The following PCDH15 variants were observed in gnomAD, a reference collection of about 807,000 sequenced individuals.
The protein encoded by PCDH15 is protocadherin related 15.
In PCDH15, 129 loss-of-function variants were observed where a neutral mutation model predicts 178.5. The ratio of observed to expected loss-of-function variants is 0.72; its 90% CI spans 0.63 to 0.84. The LOEUF (loss-of-function observed/expected upper bound fraction) is 0.84, where lower values mean the gene tolerates loss of function less well. Among genes scored for constraint, PCDH15 ranks in the 40% least tolerant of loss-of-function variants. The pLI is 0.00. For synonymous variants in PCDH15, 800 were observed against 732.0 expected, an observed-to-expected ratio of 1.09 and a Z score of -1.50; for missense variants, 2,230 against 2,099.9, an observed-to-expected ratio of 1.06 and a Z score of -1.21.
Position 55,387,070 on chromosome 10 carries a change from T to G in PCDH15, c.-155-220419A>C, listed in dbSNP as rs1837680852. On this transcript the variant is annotated intron_variant, in intron 2 of 5. Transcript: ENST00000613346. ...GAAGCTGATTCATTTTTACATAAAC[T>G]TTTTTATTTGATTTTTTAAAATATC... Among the ~76,000 whole-genome samples the G allele has an allele frequency of 1.3e-5, 2 of 152,230 alleles. 1 individual carries two copies. The highest frequency in any genetic ancestry group is 4.1e-4 in the South Asian group (2 of 4,824).
chr10:55,409,500 T>TTTTG (rs1324793314), intron 2 of PCDH15, among the ~76,000 whole-genome samples: 7 of 152,280 alleles, frequency 4.6e-5, no homozygotes, highest in Admixed American at 1.3e-4. Flanking sequence ...CAGTGGGCTT[T>TTTTG]TTTGTTTGTT....
chr10:55,482,100 G>A (rs892065545), intron 2 of PCDH15, among the ~76,000 whole-genome samples: 13 of 151,538 alleles, frequency 8.6e-5, no homozygotes, highest in African/African-American at 2.7e-4. Flanking sequence ...TGGCTTTTTT[G>A]ATCTTTGATG....
chr10:54,496,907 G>C (rs1589718286), intron 3 of PCDH15, among the ~76,000 whole-genome samples: 1 of 152,076 alleles, frequency 6.6e-6, no homozygotes, highest in East Asian at 1.9e-4. Context: ...ATTGTACATA[G>C]AGAGGGTAAT....
intron 1 of PCDH15, among the ~76,000 whole-genome samples, chr10:55,212,341 G>T (rs1840591885): frequency 6.6e-6 from 1 of 151,878 alleles, no homozygotes; most frequent in Admixed American, 6.6e-5. Flanking sequence ...TCATTTTACT[G>T]CAGATCCAGT....
In PCDH15 at chr10:55,359,718, GTGTATATATATA is replaced by G. The variant is rs1266819916; in HGVS notation, c.-155-193079_-155-193068del. 7.6e-3 allele frequency among the ~76,000 whole-genome samples: 706 copies of G among 92,342 alleles called. 9 individuals carry two copies. The highest frequency in any genetic ancestry group is 0.03 in the African/African-American group (673 of 22,358). 60.6% of individuals were successfully genotyped at this position (92,342 alleles called of 152,430 possible). A position where few individuals can be genotyped will look rare whatever the true frequency, so the allele number is the denominator to read the frequency against. ...TAGATGAACAAATAAAGAAAATGTG[GTGTATATATATA>G]TATATATATATATATATACACACAC... is the stretch of plus-strand genomic sequence containing the variant. On this transcript the variant is annotated intron_variant, in intron 2 of 5. Transcript: ENST00000613346.
At chr10:55,116,314 TTTTC>T (rs1206451113) in intron 2 of PCDH15, among the ~76,000 whole-genome samples, 3 of 152,186 alleles carry the variant, frequency 2.0e-5, no homozygotes, top group South Asian at 4.1e-4. Context: ...AGGCATGCTA[TTTTC>T]TTTCTTTGTT....
chr10:55,098,533 A>G (rs992831246), intron 2 of PCDH15, among the ~76,000 whole-genome samples: 12 of 152,192 alleles, frequency 7.9e-5, no homozygotes, highest in South Asian at 6.2e-4. Context: ...GGAAAAGGCT[A>G]CCTCAGACTA....
chr10:54,878,451 C>G (rs1360394736), intron 3 of PCDH15, among the ~76,000 whole-genome samples: 1 of 152,126 alleles, frequency 6.6e-6, no homozygotes, highest in East Asian at 1.9e-4. Flanking sequence ...GTTAATCAGC[C>G]TAGAACTGTC....
intron 3 of PCDH15, among the ~76,000 whole-genome samples, chr10:54,455,024 T>A (rs140007360): frequency 6.6e-6 from 1 of 152,160 alleles, no homozygotes; most frequent in Non-Finnish European, 1.5e-5. Context: ...TCACAAGATA[T>A]CATGGTTTTA....
At chr10:55,021,868 A>G (rs1376381963) in intron 2 of PCDH15, among the ~76,000 whole-genome samples, 1 of 152,192 alleles carries the variant, frequency 6.6e-6, no homozygotes, top group East Asian at 1.9e-4. Context: ...ATTTGTTTCA[A>G]TCATGGCTAT....
intron 14 of PCDH15, among the ~76,000 whole-genome samples, chr10:54,137,219 C>A (rs12253897): frequency 0.015 from 2,349 of 152,194 alleles, 76 homozygotes; most frequent in African/African-American, 0.054. Context: ...CATATTTTAT[C>A]GCTAAATGCA....
chr10:54,895,892 G>T (rs1954536127), intron 3 of PCDH15, among the ~76,000 whole-genome samples: 1 of 151,782 alleles, frequency 6.6e-6, no homozygotes, highest in African/African-American at 2.4e-5. Flanking sequence ...GTATCTAAGG[G>T]TATTTTTTTT....
At chr10:54,148,206 A>C (rs2044175052) in intron 14 of PCDH15, among the ~76,000 whole-genome samples, 1 of 151,946 alleles carries the variant, frequency 6.6e-6, no homozygotes, top group African/African-American at 2.4e-5. Context: ...CTCAATGTAT[A>C]AAAGTATTCT....
chr10:54,089,657 T>G (rs2094567923), intron 16 of PCDH15, among the ~76,000 whole-genome samples: 1 of 152,222 alleles, frequency 6.6e-6, no homozygotes, highest in African/African-American at 2.4e-5. Flanking sequence ...AATACACAGT[T>G]TGGTGCTAAG....
At chr10:54,283,869 G>T (rs1461767497) in intron 8 of PCDH15, among the ~76,000 whole-genome samples, 1 of 152,108 alleles carries the variant, frequency 6.6e-6, no homozygotes, top group Non-Finnish European at 1.5e-5. Context: ...ATTTTTTAGA[G>T]ACAGGGTCTC....
At chr10:54,165,709 T>C (rs368888549) in intron 13 of PCDH15, among the ~76,000 whole-genome samples, 2 of 152,214 alleles carry the variant, frequency 1.3e-5, no homozygotes, top group East Asian at 3.8e-4. Context: ...CAGTCTTTCA[T>C]ACTTCTTCAA....
At chr10:55,521,406 T>C (rs1841172632) in intron 2 of PCDH15, among the ~76,000 whole-genome samples, 1 of 152,014 alleles carries the variant, frequency 6.6e-6, no homozygotes, top group Non-Finnish European at 1.5e-5. Context: ...GTCTTCAACT[T>C]AGAATAGTTC....
intron 2 of PCDH15, among the ~76,000 whole-genome samples, chr10:55,068,778 T>TGTGTGTGCGTGCAC (rs1357211869): frequency 2.6e-5 from 4 of 151,818 alleles, no homozygotes; most frequent in African/African-American, 9.7e-5. Context: ...ATTGTGTGTG[T>TGTGTGTGCGTGCAC]GTGTGTGCGT....
intron 1 of PCDH15, among the ~76,000 whole-genome samples, chr10:55,307,727 C>T (rs73252162): frequency 0.073 from 11,117 of 151,634 alleles, 839 homozygotes; most frequent in African/African-American, 0.2. Flanking sequence ...AACTTGCCCC[C>T]CAAACAAAAT....
Sources: gnomAD v4.1 joint callset for allele counts (sites outside exome capture counted in the v4.1 genomes callset) on GRCh38, gnomAD v4.1.1 for gene constraint, MANE v1.5 for transcripts, NCBI Gene and HGNC (gene_info 2026-07-23, HGNC 2026-07-21) for gene names.